The following MPZL1 variants were observed in gnomAD, a reference collection of about 807,000 sequenced individuals.
The protein encoded by MPZL1 is myelin protein zero-like protein 1.
Under a neutral mutation model 29.3 loss-of-function variants are expected in MPZL1, and 16 were observed. The ratio of observed to expected loss-of-function variants is 0.55; its 90% CI spans 0.37 to 0.83. The LOEUF is 0.83. Among genes scored for constraint, MPZL1 ranks in the 40% least tolerant of loss-of-function variants. The probability of loss-of-function intolerance (pLI) is 0.00; values close to 1 mark genes in which losing one functional copy is unlikely to be tolerated. For missense variants in MPZL1, 279 were observed against 332.9 expected (o/e 0.84, Z 1.26); for synonymous variants, 143 against 132.0 (o/e 1.08, Z -0.57).
At chr1:167,778,823 T>G (rs1316832249) in intron 5 of MPZL1, among the ~76,000 whole-genome samples, 1 of 151,644 alleles carries the variant, frequency 6.6e-6, no homozygotes, top group Non-Finnish European at 1.5e-5. Flanking sequence ...AACAACAGAT[T>G]AGATACTGCA....
chr1:167,765,463 T>G, intron 1 of MPZL1, 120 bp from the exon 2 acceptor site: 1 of 688,332 alleles, frequency 1.5e-6, no homozygotes, highest in Non-Finnish European at 2.3e-6. Flanking sequence ...AAATATGTAA[T>G]GGCAGTGAAT....
rs192203779 is a variant in MPZL1 at position 167,763,746 on chromosome 1, C to T, written c.92-1837C>T. ...CTGCTTTTCTGCGTACCCACAATAG[C>T]AAGGAACTCTTTTGTTTGCATCTCC... On this transcript the variant is annotated intron_variant, in intron 1 of 5. Transcript: ENST00000359523. Among the ~76,000 whole-genome samples the T allele has an allele frequency of 3.3e-5, 5 of 152,224 alleles. No homozygotes were observed. The East Asian group carries it at 5.8e-4, about 18-fold the overall frequency.
intron 1 of MPZL1, among the ~76,000 whole-genome samples, chr1:167,723,661 G>T (rs149721992): frequency 3.3e-5 from 5 of 152,250 alleles, no homozygotes; most frequent in Admixed American, 3.3e-4. Context: ...TAAAATCAGG[G>T]TATTAAACGT....
intron 1 of MPZL1, among the ~76,000 whole-genome samples, chr1:167,723,845 C>T (rs6427101): frequency 0.32 from 48,169 of 152,082 alleles, 8,067 homozygotes; most frequent in African/African-American, 0.43. Flanking sequence ...CAAATCACCT[C>T]TTTTCTGGTC....
intron 1 of MPZL1, among the ~76,000 whole-genome samples, chr1:167,758,655 T>C (rs2101774912): frequency 6.6e-6 from 1 of 152,342 alleles, no homozygotes; most frequent in Non-Finnish European, 1.5e-5. Context: ...GACTTTTTGA[T>C]TACTTGTCAA....
chr1:167,739,282 C>CATATATACATATACATATACATAT (rs1387652331), intron 1 of MPZL1, among the ~76,000 whole-genome samples: 1 of 90,442 alleles, frequency 1.1e-5, no homozygotes, highest in African/African-American at 6.3e-5. Context: ...TACATATATA[C>CATATATACATATACATATACATAT]ATATATATAT....
At chr1:167,752,563 T>C (rs1278760134) in intron 1 of MPZL1, among the ~76,000 whole-genome samples, 1 of 152,228 alleles carries the variant, frequency 6.6e-6, no homozygotes, top group Non-Finnish European at 1.5e-5. Context: ...GTTCAGTTGA[T>C]ACTGTCTTTT....
Position 167,769,910 on chromosome 1 carries a change from A to G in MPZL1, c.259-2365A>G, listed in dbSNP as rs536093841. ...GAGAGAAACTAATGAGACATTGACA[A>G]TATTGGGGGATTAACTGGATAGGAA... On this transcript the variant is annotated intron_variant, in intron 2 of 5. Transcript: ENST00000359523. Among the ~76,000 whole-genome samples the G allele has an allele frequency of 8.5e-5, 13 of 152,324 alleles. No homozygotes were observed. In the South Asian group the frequency reaches 2.7e-3, roughly 32 times the overall value.
At chr1:167,769,652 T>C (rs1661196898) in intron 2 of MPZL1, among the ~76,000 whole-genome samples, 1 of 152,208 alleles carries the variant, frequency 6.6e-6, no homozygotes, top group South Asian at 2.1e-4. Context: ...AGCTTGTAAG[T>C]AGGGTAAAAT....
chr1:167,767,306 A>G (rs1661134809), intron 2 of MPZL1, among the ~76,000 whole-genome samples: 1 of 152,240 alleles, frequency 6.6e-6, no homozygotes. Flanking sequence ...ACATAAGTTT[A>G]CTCAAGAGAG....
chr1:167,777,526 G>T (rs143740733), intron 5 of MPZL1, among the ~76,000 whole-genome samples: 173 of 152,296 alleles, frequency 1.1e-3, no homozygotes, highest in Non-Finnish European at 1.7e-3. Flanking sequence ...AATTTGGGGA[G>T]GTCAAGGAGG....
chr1:167,736,459 A>C (rs1357757064), intron 1 of MPZL1, among the ~76,000 whole-genome samples: 1 of 152,152 alleles, frequency 6.6e-6, no homozygotes, highest in Non-Finnish European at 1.5e-5. Flanking sequence ...CAAACTCTGT[A>C]TGCTCAGAAC....
In MPZL1 at chr1:167,782,981, C is replaced by A. The variant is rs556226039; in HGVS notation, c.709-4839C>A. On this transcript the variant is annotated intron_variant, in intron 5 of 5. Transcript: ENST00000359523. ...CATTTCAGACTTCTGACCTGTAAAA[C>A]TGTGAGATAATTAATATGTTTTTAA... 1.1e-4 allele frequency among the ~76,000 whole-genome samples: 17 copies of A among 152,294 alleles called. 2 individuals are homozygous for A. Among genetic ancestry groups the A allele is most frequent in the Admixed American group, 9.8e-4 (15 of 15,300 alleles).
At chr1:167,755,212 G>A (rs974846958) in intron 1 of MPZL1, among the ~76,000 whole-genome samples, 5 of 152,130 alleles carry the variant, frequency 3.3e-5, no homozygotes, top group Admixed American at 6.6e-5. Flanking sequence ...GTATTTTGGA[G>A]GAGAGGAATA....
intron 5 of MPZL1, among the ~76,000 whole-genome samples, chr1:167,785,545 C>T (rs1204116214): frequency 6.6e-6 from 1 of 152,190 alleles, no homozygotes; most frequent in Non-Finnish European, 1.5e-5. Context: ...GGACCTACAG[C>T]ATTATGTTGC....
intron 2 of MPZL1, among the ~76,000 whole-genome samples, chr1:167,771,243 G>A (rs1390084293): frequency 6.6e-6 from 1 of 152,060 alleles, no homozygotes; most frequent in African/African-American, 2.4e-5. Context: ...AGCACATCTT[G>A]CACCGCCCTT....
At chr1:167,739,270 T>TATACATATATATATATAC (rs1419168829) in intron 1 of MPZL1, among the ~76,000 whole-genome samples, 13 of 98,980 alleles carry the variant, frequency 1.3e-4, no homozygotes, top group African/African-American at 7.2e-4. Context: ...CACATACATA[T>TATACATATATATATATAC]ATACATATAT....
intron 1 of MPZL1, among the ~76,000 whole-genome samples, chr1:167,725,027 G>A (rs1019847177): frequency 6.6e-6 from 1 of 152,180 alleles, no homozygotes; most frequent in African/African-American, 2.4e-5. Flanking sequence ...TAATTGAAAT[G>A]AGCACATAGT....
rs879798496 is a variant in MPZL1, at chr1:167,791,403, C to T, written c.*3482C>T. 2.0e-5 allele frequency: 3 copies of T among 152,288 alleles called. No homozygotes were observed. Among genetic ancestry groups the T allele is most frequent in the Non-Finnish European group, 2.9e-5 (2 of 68,074 alleles). The allele number at this position is 152,288 out of a possible 1,614,324, so 9.4% of individuals were successfully genotyped here. On this transcript the variant is annotated 3_prime_UTR_variant, in exon 6 of 6. Coordinates refer to ENST00000359523, the MANE Select transcript of MPZL1 (RefSeq NM_003953.6). ...AAACAAGACAAAGCTCCTCAAGGAGCTTGCCACAGGGTGGAGGTGACAGGT... is the reference window on the plus strand; with the variant it reads ...AAACAAGACAAAGCTCCTCAAGGAGTTTGCCACAGGGTGGAGGTGACAGGT...
Sources: gnomAD v4.1 joint callset for allele counts (sites outside exome capture counted in the v4.1 genomes callset) on GRCh38, gnomAD v4.1.1 for gene constraint, MANE v1.5 for transcripts, NCBI Gene and HGNC (gene_info 2026-07-23, HGNC 2026-07-21) for gene names.